NOL4: variants seen among roughly 807,000 people sequenced by gnomAD.
The protein encoded by NOL4 is nucleolar protein 4, also known as cancer/testis antigen 125.
NOL4 carries 17 observed loss-of-function variants against 75.9 expected under a neutral mutation model. The ratio of observed to expected loss-of-function variants is 0.22; its 90% CI spans 0.15 to 0.34. The LOEUF is 0.34. Among genes scored for constraint, NOL4 ranks in the 10% least tolerant of loss-of-function variants. The probability of loss-of-function intolerance (pLI) is 1.00; values close to 1 mark genes in which losing one functional copy is unlikely to be tolerated. For missense variants in NOL4, 614 were observed against 793.5 expected (o/e 0.77, Z 2.72); for synonymous variants, 292 against 289.9 (o/e 1.01, Z -0.07).
chr18:34,086,351 C>T (rs2078241881), intron 5 of NOL4, among the ~76,000 whole-genome samples: 1 of 152,040 alleles, frequency 6.6e-6, no homozygotes, highest in African/African-American at 2.4e-5. Flanking sequence ...AAATTGTAAA[C>T]ACTGAAAGAA....
At chr18:34,169,354 A>C (rs955793814) in intron 1 of NOL4, among the ~76,000 whole-genome samples, 2 of 152,004 alleles carry the variant, frequency 1.3e-5, no homozygotes, top group African/African-American at 4.8e-5. Flanking sequence ...GGTAGACTTA[A>C]ATAAGGTAAA....
chr18:33,861,814 G>A (rs980344023), intron 10 of NOL4, among the ~76,000 whole-genome samples: 17 of 152,040 alleles, frequency 1.1e-4, no homozygotes, highest in Admixed American at 3.3e-4. Context: ...TGGGTAGGAA[G>A]AATCAATATC....
At chr18:34,097,212 A>G (rs1241355917) in intron 4 of NOL4, among the ~76,000 whole-genome samples, 1 of 152,142 alleles carries the variant, frequency 6.6e-6, no homozygotes, top group Non-Finnish European at 1.5e-5. Flanking sequence ...ATTCAATCAA[A>G]TATTTACGGT....
intron 8 of NOL4, among the ~76,000 whole-genome samples, chr18:33,956,026 C>T (rs984382663): frequency 6.6e-6 from 1 of 152,062 alleles, no homozygotes; most frequent in East Asian, 1.9e-4. Flanking sequence ...GTGAAAGAGT[C>T]TCATAATGCA....
chr18:33,886,808 TATAG>T (rs1469670164), intron 9 of NOL4, among the ~76,000 whole-genome samples: 3 of 144,466 alleles, frequency 2.1e-5, no homozygotes, highest in African/African-American at 5.1e-5. Context: ...TATATACGTA[TATAG>T]ATATATCTAT....
At chr18:34,096,280 C>A (rs753913694) in intron 4 of NOL4, among the ~76,000 whole-genome samples, 37 of 151,976 alleles carry the variant, frequency 2.4e-4, no homozygotes, top group Non-Finnish European at 5.3e-4. Flanking sequence ...TCCTCCACTA[C>A]TACATATGAA....
At chr18:34,158,125 T>C (rs1261230375) in intron 1 of NOL4, among the ~76,000 whole-genome samples, 1 of 152,120 alleles carries the variant, frequency 6.6e-6, no homozygotes, top group African/African-American at 2.4e-5. Context: ...AGGAAACTCA[T>C]GATTATCAGT....
Position 34,166,760 on chromosome 18 carries a change from G to A in NOL4, c.265-36740C>T, listed in dbSNP as rs1568413133. Among the ~76,000 whole-genome samples, 2 of 38,138 alleles carry A rather than the reference G, an allele frequency of 5.2e-5. 1 individual carries two copies. Among genetic ancestry groups the A allele is most frequent in the Non-Finnish European group, 1.2e-4 (2 of 16,034 alleles). The allele number at this position is 38,138 out of a possible 152,430, so 25.0% of individuals were successfully genotyped here. A position where few individuals can be genotyped will look rare whatever the true frequency, so the allele number is the denominator to read the frequency against. The stretch of plus-strand genomic sequence containing the variant: ...AAAATATAATAGTAAAAAAAAGGCC[G>A]GGCGCGGTGGCTCACGCCTGTAATC... On this transcript the variant is annotated intron_variant, in intron 1 of 10. Coordinates refer to ENST00000261592, the MANE Select transcript of NOL4 (RefSeq NM_003787.5).
At chr18:34,164,926 C>T (rs1424405657) in intron 1 of NOL4, among the ~76,000 whole-genome samples, 5 of 151,892 alleles carry the variant, frequency 3.3e-5, no homozygotes, top group East Asian at 3.9e-4. Context: ...AAATGATGAG[C>T]TCATGTCCTT....
intron 10 of NOL4, among the ~76,000 whole-genome samples, chr18:33,856,625 T>G (rs2062848328): frequency 6.6e-6 from 1 of 152,062 alleles, no homozygotes; most frequent in Non-Finnish European, 1.5e-5. Context: ...AACTGGCAAT[T>G]AATTCAACAA....
At chr18:34,009,328 A>G (rs2074241740) in intron 6 of NOL4, among the ~76,000 whole-genome samples, 1 of 151,934 alleles carries the variant, frequency 6.6e-6, no homozygotes, top group African/African-American at 2.4e-5. Flanking sequence ...AAAAGAAGAA[A>G]AGAAAACTAG....
At chr18:34,024,779 C>G (rs1242621481) in intron 5 of NOL4, among the ~76,000 whole-genome samples, 1 of 152,126 alleles carries the variant, frequency 6.6e-6, no homozygotes, top group Non-Finnish European at 1.5e-5. Context: ...AGTTCTCAAA[C>G]TTTAATTGCT....
chr18:33,894,140 G>A (rs2065261046), intron 9 of NOL4, among the ~76,000 whole-genome samples: 1 of 152,012 alleles, frequency 6.6e-6, no homozygotes, highest in African/African-American at 2.4e-5. Context: ...TTCTCTTCTT[G>A]CATTTGATAG....
chr18:33,906,961 T>C (rs530658002), intron 9 of NOL4, among the ~76,000 whole-genome samples: 1 of 152,304 alleles, frequency 6.6e-6, no homozygotes, highest in East Asian at 1.9e-4. Context: ...TAGTAAAATA[T>C]ATTTTAAGAG....
chr18:34,116,848 T>C (rs2079883616), intron 2 of NOL4, among the ~76,000 whole-genome samples: 4 of 152,232 alleles, frequency 2.6e-5, no homozygotes, highest in Admixed American at 2.0e-4. Context: ...ATGGAGAATT[T>C]GACCATGTCT....
chr18:34,066,661 G>T (rs117830893), intron 5 of NOL4, among the ~76,000 whole-genome samples: 1 of 149,110 alleles, frequency 6.7e-6, no homozygotes, highest in Non-Finnish European at 1.5e-5. Context: ...TATTTGAAAA[G>T]TTTCTTATTT....
At chr18:34,050,005 G>A (rs1289067874) in intron 5 of NOL4, among the ~76,000 whole-genome samples, 2 of 152,066 alleles carry the variant, frequency 1.3e-5, no homozygotes, top group Non-Finnish European at 1.5e-5. Context: ...ACATTTAGTA[G>A]TTCATTTAAA....
In NOL4 at chr18:34,026,922, G is replaced by A. The variant is rs146786651; in HGVS notation, c.773-7321C>T. Among the ~76,000 whole-genome samples, 3 of 152,234 alleles carry A rather than the reference G, an allele frequency of 2.0e-5. No homozygotes were observed. In the East Asian group the frequency reaches 5.8e-4, roughly 29 times the overall value. On this transcript the variant is annotated intron_variant, in intron 5 of 10. Coordinates refer to ENST00000261592, the MANE Select transcript of NOL4 (RefSeq NM_003787.5). The stretch of plus-strand genomic sequence containing the variant: ...ATAAACTTCCATCTAAATTCTACTA[G>A]TATATCTCAGCAGGAAACACATGTT...
chr18:34,110,673 G>A (rs80343713), intron 2 of NOL4, among the ~76,000 whole-genome samples: 1 of 152,050 alleles, frequency 6.6e-6, no homozygotes, highest in Non-Finnish European at 1.5e-5. Context: ...GGTACTAGAA[G>A]TCCTAGTCAG....
Sources: allele counts gnomAD v4.1 joint callset (sites outside exome capture counted in the v4.1 genomes callset), GRCh38; gene constraint gnomAD v4.1.1; transcripts MANE v1.5; gene names NCBI Gene and HGNC (gene_info 2026-07-23, HGNC 2026-07-21).